NUMB: variants seen among roughly 807,000 people sequenced by gnomAD.
The protein encoded by NUMB is NUMB endocytic adaptor protein.
NUMB carries 29 observed loss-of-function variants against 59.7 expected under a neutral mutation model. The observed-to-expected ratio is 0.49, with a 90% CI of 0.36 to 0.66. The LOEUF (loss-of-function observed/expected upper bound fraction) is 0.66. NUMB is among the 30% of genes least tolerant of loss of function. The pLI is 0.00. For synonymous variants in NUMB, 288 were observed against 288.2 expected, an observed-to-expected ratio of 1.00 and a Z score of 0.01; for missense variants, 723 against 822.0, an observed-to-expected ratio of 0.88 and a Z score of 1.47.
chr14:73,426,402 AT>A (rs1367868181), intron 1 of NUMB, among the ~76,000 whole-genome samples: 1 of 152,048 alleles, frequency 6.6e-6, no homozygotes, highest in African/African-American at 2.4e-5. Flanking sequence ...GGCAAGAAAA[AT>A]GTTCCATGTA....
chr14:73,451,756 C>G (rs947292181), intron 1 of NUMB, among the ~76,000 whole-genome samples: 22 of 152,166 alleles, frequency 1.4e-4, no homozygotes, highest in African/African-American at 5.1e-4. Flanking sequence ...AATAAAGTTA[C>G]AAATTTAGCT....
At chr14:73,309,753 T>TAATAATAAC (rs1555370097) in intron 6 of NUMB, among the ~76,000 whole-genome samples, 2 of 143,506 alleles carry the variant, frequency 1.4e-5, no homozygotes, top group African/African-American at 5.4e-5. Flanking sequence ...ATAATAATAA[T>TAATAATAAC]AATAAAAATA....
At position 73,313,991 on chromosome 14, in the gene NUMB, G is replaced by A. The variant is rs1263471834; in HGVS notation, c.234+2399C>T. On this transcript the variant is annotated intron_variant, in intron 6 of 12. Transcript: ENST00000555238. ...GCGGGCAGATCACCTGAGGTCAGGA[G>A]TTCAAGACCAGCCTGGCCAACCAAC... Among the ~76,000 whole-genome samples, 3 of 152,162 alleles carry A rather than the reference G, an allele frequency of 2.0e-5. No individual in the cohort carries two copies. In the South Asian group the frequency reaches 6.2e-4, roughly 32 times the overall value.
At chr14:73,402,458 A>G (rs59174533) in intron 2 of NUMB, among the ~76,000 whole-genome samples, 3,765 of 152,274 alleles carry the variant, frequency 0.025, 152 homozygotes, top group African/African-American at 0.086. Flanking sequence ...CTATATTACT[A>G]TCTCAGAGAG....
At chr14:73,439,628 C>CA (rs1644842124) in intron 1 of NUMB, among the ~76,000 whole-genome samples, 1 of 152,084 alleles carries the variant, frequency 6.6e-6, no homozygotes, top group Non-Finnish European at 1.5e-5. Flanking sequence ...CACTACAGAA[C>CA]ATTTCCTTGA....
chr14:73,341,956 C>T (rs1266722366), intron 4 of NUMB, among the ~76,000 whole-genome samples: 1 of 152,152 alleles, frequency 6.6e-6, no homozygotes, highest in Non-Finnish European at 1.5e-5. Context: ...AGAAATCTTA[C>T]TGCATACTAG....
intron 1 of NUMB, among the ~76,000 whole-genome samples, chr14:73,449,121 T>A (rs12888334): frequency 0.23 from 35,747 of 152,176 alleles, 4,250 homozygotes; most frequent in Non-Finnish European, 0.25. Context: ...AAAGTAATTG[T>A]GTTTTTGCTA....
intron 4 of NUMB, among the ~76,000 whole-genome samples, chr14:73,330,405 C>T (rs181427051): frequency 1.3e-4 from 20 of 152,226 alleles, no homozygotes; most frequent in African/African-American, 4.6e-4. Flanking sequence ...TTCATAGTCA[C>T]ATTTCCCTGA....
chr14:73,391,600 T>C (rs536820374), intron 2 of NUMB, among the ~76,000 whole-genome samples: 99 of 152,300 alleles, frequency 6.5e-4, no homozygotes, highest in African/African-American at 2.2e-3. Context: ...TTAGCATACA[T>C]AAAAATCACT....
chr14:73,282,679 T>C (rs1225491755), intron 10 of NUMB, among the ~76,000 whole-genome samples, 174 bp from the exon 11 acceptor site: 2 of 152,214 alleles, frequency 1.3e-5, no homozygotes, highest in African/African-American at 4.8e-5. Flanking sequence ...GGCCACAATT[T>C]CATTGGCTTT....
intron 6 of NUMB, among the ~76,000 whole-genome samples, chr14:73,312,818 A>G (rs2139892342): frequency 6.6e-6 from 1 of 152,330 alleles, no homozygotes; most frequent in South Asian, 2.1e-4. Flanking sequence ...ACGTTAAAAA[A>G]AAATACAGTG....
intron 1 of NUMB, among the ~76,000 whole-genome samples, chr14:73,438,538 C>A (rs932825962): frequency 3.4e-5 from 5 of 147,550 alleles, no homozygotes; most frequent in Admixed American, 7.0e-5. Flanking sequence ...GGCCAAGGCA[C>A]GGGAATCGCT....
chr14:73,333,556 G>C (rs1892112748), intron 4 of NUMB, among the ~76,000 whole-genome samples: 1 of 151,766 alleles, frequency 6.6e-6, no homozygotes, highest in Non-Finnish European at 1.5e-5. Context: ...TTCTATTCAA[G>C]TCCTTTGCCC....
chr14:73,287,125 G>A lies in NUMB; in HGVS notation c.640C>T (p.Gln214Ter). 1 of 1,613,750 alleles carries A rather than the reference G, an allele frequency of 6.2e-7. No individual in the cohort carries two copies. Among genetic ancestry groups the A allele is most frequent in the Non-Finnish European group, 8.5e-7 (1 of 1,179,792 alleles). Reference sequence around the variant, plus strand: ...CAGATTGTACCTTTCTTGGCATCTTGCATTTGTTTCATGATCTCCTCTCTT... The same window carrying A: ...CAGATTGTACCTTTCTTGGCATCTTACATTTGTTTCATGATCTCCTCTCTT... ...AEREEIMKQM[Q>*]DAKKAETDKI... Residue 214 changes from glutamine (Q) to a stop codon, truncating the protein, a stop_gained, in exon 9 of 13, where the codon CAA becomes TAA. Transcript: ENST00000555238. LOFTEE classifies it high-confidence loss of function.
In NUMB at chr14:73,387,748, A is replaced by C. The variant is rs901652497; in HGVS notation, c.-100-20767T>G. Reference sequence around the variant, plus strand: ...ACCCAATCTCAAAAAAAAAAAAACAAAAACAAACAAACAAAAAAAAAACCA... The same window carrying C: ...ACCCAATCTCAAAAAAAAAAAAACACAAACAAACAAACAAAAAAAAAACCA... On this transcript the variant is annotated intron_variant, in intron 2 of 12. Transcript: ENST00000555238. Among the ~76,000 whole-genome samples, 31 of 149,678 alleles carry C rather than the reference A, an allele frequency of 2.1e-4. 1 individual carries two copies. The highest frequency in any genetic ancestry group is 7.6e-4 in the African/African-American group (30 of 39,386).
chr14:73,425,673 CTATA>C (rs1897547016), intron 1 of NUMB, among the ~76,000 whole-genome samples: 1 of 152,098 alleles, frequency 6.6e-6, no homozygotes, highest in African/African-American at 2.4e-5. Flanking sequence ...ATAATAACTA[CTATA>C]TATAGAGCAC....
chr14:73,458,490 C>A lies in NUMB; in HGVS notation c.-233+3G>T. On this transcript the variant is annotated splice_donor_region_variant and intron_variant, in intron 1 of 12. Coordinates refer to ENST00000555238, the MANE Select transcript of NUMB (RefSeq NM_001005743.2). ...ATCTCTGACCCGCGTTACCGGCACT[C>A]ACCTGCCGCTGCCCCCGACCAACTC... 1 of 152,698 alleles carries A rather than the reference C, an allele frequency of 6.5e-6. No individual in the cohort carries two copies. The highest frequency in any genetic ancestry group is 1.9e-4 in the South Asian group (1 of 5,194). The allele number at this position is 152,698 out of a possible 1,614,324, so 9.5% of individuals were successfully genotyped here.
intron 6 of NUMB, chr14:73,297,666 A>G (rs1889867494): frequency 5.8e-6 from 1 of 173,272 alleles, no homozygotes; most frequent in South Asian, 1.3e-4. Context: ...ATAAGGAGTT[A>G]CACCACAAGT....
At position 73,323,217 on chromosome 14, in the gene NUMB, G is replaced by A. The variant is rs1183429388; in HGVS notation, c.127-13C>T. 6.3e-7 allele frequency: 1 copy of A among 1,579,240 alleles called. No homozygotes were observed. Among genetic ancestry groups the A allele is most frequent in the South Asian group, 1.1e-5 (1 of 90,204 alleles). On this transcript the variant is annotated splice_polypyrimidine_tract_variant and intron_variant, in intron 4 of 12. Coordinates refer to ENST00000555238, the MANE Select transcript of NUMB (RefSeq NM_001005743.2). ...CATGGCCAAGGTACTGTAGAAAGAA[G>A]GAAAAGTTAGGGCTATTGCTATGTT... is the stretch of plus-strand genomic sequence containing the variant.
Sources: gnomAD v4.1 joint callset for allele counts (sites outside exome capture counted in the v4.1 genomes callset) on GRCh38, gnomAD v4.1.1 for gene constraint, MANE v1.5 for transcripts, NCBI Gene and HGNC (gene_info 2026-07-23, HGNC 2026-07-21) for gene names.